The following HIVEP3 variants were observed in gnomAD, a reference collection of about 807,000 sequenced individuals.
The protein encoded by HIVEP3 is HIVEP zinc finger 3.
A neutral mutation model predicts 152.8 loss-of-function variants in HIVEP3; 49 were observed. That is an observed-to-expected ratio of 0.32 (90% CI 0.26 to 0.41). HIVEP3 has a LOEUF of 0.41. HIVEP3 is among the 10% of genes least tolerant of loss of function. HIVEP3 has a pLI of 1.00. For missense variants in HIVEP3, 2,790 were observed against 3,103.3 expected (o/e 0.90, Z 2.40); for synonymous variants, 1,269 against 1,289.0 (o/e 0.98, Z 0.33).
intron 1 of HIVEP3, among the ~76,000 whole-genome samples, chr1:41,884,817 T>G: frequency 6.2e-5 from 1 of 16,178 alleles, no homozygotes. Context: ...CCTGCCCCAC[T>G]TGGCAGAGGG....
In HIVEP3 at chr1:41,998,166, A is replaced by G. The variant is rs78558343; in HGVS notation, n.119+37641T>C. Among the ~76,000 whole-genome samples, 1,493 of 152,298 alleles carry G rather than the reference A, an allele frequency of 9.8e-3. 26 individuals carry two copies. The highest frequency in any genetic ancestry group is 0.034 in the African/African-American group (1,430 of 41,562). On this transcript the variant is annotated intron_variant and non_coding_transcript_variant, in intron 1 of 3. Coordinates refer to the HIVEP3 transcript ENST00000489103. ...AAAAAAGATTAACAAGGGGATAAAT[A>G]TAAGATTAATTTTTAAAAGGAAAGC...
intron 2 of HIVEP3, among the ~76,000 whole-genome samples, chr1:41,653,617 A>G (rs1441279913): frequency 6.6e-6 from 1 of 152,174 alleles, no homozygotes; most frequent in African/African-American, 2.4e-5. Flanking sequence ...GGTTCTAATC[A>G]ACCCATGATG....
intron 1 of HIVEP3, among the ~76,000 whole-genome samples, chr1:41,742,072 T>G (rs1364991497): frequency 6.6e-6 from 1 of 152,254 alleles, no homozygotes; most frequent in Non-Finnish European, 1.5e-5. Context: ...TACACCATTG[T>G]GAATTGGACC....
chr1:41,616,569 CT>C lies in HIVEP3; in HGVS notation c.-522+12179del, dbSNP rs35360287. Among the ~76,000 whole-genome samples, 368 of 127,672 alleles carry C rather than the reference CT, an allele frequency of 2.9e-3. 2 individuals are homozygous for C. The highest frequency in any genetic ancestry group is 6.4e-3 in the African/African-American group (214 of 33,344). The allele number at this position is 127,672 out of a possible 152,430, so 83.8% of individuals were successfully genotyped here. A position where few individuals can be genotyped will look rare whatever the true frequency, so the allele number is the denominator to read the frequency against. ...TCACTGCCTGAGGCAATAGCAATTACTTTTTTTTTTTTTTTCAAACAGGGTA... is the reference window on the plus strand; with the variant it reads ...TCACTGCCTGAGGCAATAGCAATTACTTTTTTTTTTTTTTCAAACAGGGTA... On this transcript the variant is annotated intron_variant, in intron 3 of 8. Coordinates refer to ENST00000372583, the MANE Select transcript of HIVEP3 (RefSeq NM_024503.5).
intron 5 of HIVEP3, among the ~76,000 whole-genome samples, chr1:41,562,074 T>C (rs1278515877): frequency 6.6e-6 from 1 of 152,210 alleles, no homozygotes; most frequent in Admixed American, 6.5e-5. Flanking sequence ...TTGTATACTT[T>C]CTGTATGCTG....
chr1:41,753,616 C>T (rs1423326144), intron 1 of HIVEP3, among the ~76,000 whole-genome samples: 2 of 151,380 alleles, frequency 1.3e-5, no homozygotes, highest in African/African-American at 4.9e-5. Flanking sequence ...TGCAGTGAGC[C>T]GAGATCACGT....
intron 1 of HIVEP3, among the ~76,000 whole-genome samples, chr1:41,865,152 C>G (rs936848975): frequency 3.9e-5 from 6 of 152,180 alleles, no homozygotes; most frequent in African/African-American, 1.4e-4. Flanking sequence ...TCCTTGGTAG[C>G]CAGCAAAATT....
chr1:41,807,065 C>A (rs936258005), intron 1 of HIVEP3, among the ~76,000 whole-genome samples: 1 of 152,188 alleles, frequency 6.6e-6, no homozygotes, highest in African/African-American at 2.4e-5. Context: ...TCTGCCCCCG[C>A]TACTTTCCTG....
chr1:41,667,498 G>A lies in HIVEP3; in HGVS notation c.-721+33418C>T, dbSNP rs1645813655. On this transcript the variant is annotated intron_variant, in intron 2 of 8. Transcript: ENST00000372583. The stretch of plus-strand genomic sequence containing the variant: ...GGCCTTCAGTTCCAGGAAATCAGAA[G>A]ATTAGTCAAGCCACACTCCCCTGGC... Among the ~76,000 whole-genome samples, 4 of 152,382 alleles carry A rather than the reference G, an allele frequency of 2.6e-5. No homozygotes were observed. In the South Asian group the frequency reaches 8.3e-4, roughly 32 times the overall value.
At chr1:42,020,765 T>C (rs942465409) in intron 1 of HIVEP3, among the ~76,000 whole-genome samples, 1 of 152,026 alleles carries the variant, frequency 6.6e-6, no homozygotes, top group Non-Finnish European at 1.5e-5. Flanking sequence ...GAACAGACAA[T>C]AAACAAAATA....
chr1:41,647,859 G>A (rs1052781428), intron 2 of HIVEP3, among the ~76,000 whole-genome samples: 3 of 152,252 alleles, frequency 2.0e-5, no homozygotes. Flanking sequence ...CCCATGGGAT[G>A]TTCTGATCTG....
intron 5 of HIVEP3, among the ~76,000 whole-genome samples, chr1:41,562,916 C>T (rs2181277): frequency 0.42 from 64,411 of 151,608 alleles, 13,880 homozygotes; most frequent in East Asian, 0.52. Context: ...CATCCCCGCC[C>T]CAACTCCAGC....
intron 1 of HIVEP3, among the ~76,000 whole-genome samples, chr1:41,758,381 G>C (rs1291190860): frequency 2.0e-5 from 3 of 152,200 alleles, no homozygotes; most frequent in Admixed American, 2.0e-4. Context: ...GAGAGGGGCT[G>C]GGGGAGGACA....
At chr1:41,980,619 T>C (rs977649635) in intron 1 of HIVEP3, among the ~76,000 whole-genome samples, 4 of 152,172 alleles carry the variant, frequency 2.6e-5, no homozygotes, top group African/African-American at 9.7e-5. Flanking sequence ...AACTGCAATG[T>C]GTGTTGGTTG....
chr1:41,612,282 C>T (rs1252238179), intron 3 of HIVEP3, among the ~76,000 whole-genome samples: 3 of 152,190 alleles, frequency 2.0e-5, no homozygotes, highest in Non-Finnish European at 2.9e-5. Flanking sequence ...TTCCCCTGGC[C>T]GGTGTTTACA....
rs1645770830 is a variant in HIVEP3 at position 41,664,905 on chromosome 1, G to T, written c.-720-35958C>A. On this transcript the variant is annotated intron_variant, in intron 2 of 8. Coordinates refer to ENST00000372583, the MANE Select transcript of HIVEP3 (RefSeq NM_024503.5). This position sits in a 1 kb window ranked among gnomAD's most constrained non-coding sequence, Gnocchi z 4.4. ...CGGAGTCCTGAGCTGGCCCTAATGAGGTGGAGGGGAAGGATGAAGGAAAAT... is the reference window on the plus strand; with the variant it reads ...CGGAGTCCTGAGCTGGCCCTAATGATGTGGAGGGGAAGGATGAAGGAAAAT... 6.6e-6 allele frequency among the ~76,000 whole-genome samples: 1 copy of T among 152,206 alleles called. No individual in the cohort carries two copies. The highest frequency in any genetic ancestry group is 6.5e-5 in the Admixed American group (1 of 15,288).
chr1:41,732,258 T>A (rs1646852030), intron 1 of HIVEP3, among the ~76,000 whole-genome samples: 1 of 152,120 alleles, frequency 6.6e-6, no homozygotes, highest in Non-Finnish European at 1.5e-5. Context: ...GACTGCTGTA[T>A]CCCTAGCCTC....
At chr1:41,944,007 T>C (rs1438032603) in intron 1 of HIVEP3, among the ~76,000 whole-genome samples, 4 of 152,218 alleles carry the variant, frequency 2.6e-5, no homozygotes, top group Non-Finnish European at 5.9e-5. Context: ...CTGAGTTAAA[T>C]AAGTCAGTCA....
rs1415270834 is a variant in HIVEP3, at chr1:41,510,714, G to T, written c.6958C>A (p.Gln2320Lys). The T allele has an allele frequency of 1.3e-6, 2 of 1,532,030 alleles. No homozygotes were observed. Among genetic ancestry groups the T allele is most frequent in the East Asian group, 2.4e-5 (1 of 42,012 alleles). 94.9% of individuals were successfully genotyped at this position (1,532,030 alleles called of 1,614,324 possible). A position where few individuals can be genotyped will look rare whatever the true frequency, so the allele number is the denominator to read the frequency against. Residue 2320 changes from glutamine to lysine, a missense_variant, in exon 9 of 9, where the codon CAG (glutamine) becomes AAG (lysine). By Grantham distance (53) the Gln-to-Lys change is moderately conservative. Around this residue, in one of 9 missense-constraint regions of HIVEP3, gnomAD observed 816 missense variants for 806.5 expected, o/e 1.01. Transcript: ENST00000372583. ...TPPDTLPRPP[Q>K]GRRAAQSWSP... ...CAGGACTGCGCTGCCCGGCGTCCCT[G>T]GGGCGGCCGGGGCAAGGTGTCGGGT...
Sources: gnomAD v4.1 joint callset for allele counts (sites outside exome capture counted in the v4.1 genomes callset) on GRCh38, gnomAD v4.1.1 for gene constraint, gnomAD v4.1.1 regional missense constraint, Gnocchi (gnomAD v3.1) non-coding constraint, MANE v1.5 for transcripts, NCBI Gene and HGNC (gene_info 2026-07-23, HGNC 2026-07-21) for gene names.